PHF20: variants seen among roughly 807,000 people sequenced by gnomAD.
The protein encoded by PHF20 is glioma-expressed antigen 2.
In PHF20, 23 loss-of-function variants were observed where a neutral mutation model predicts 113.5. The observed-to-expected ratio is 0.20, with a 90% confidence interval of 0.15 to 0.29. The LOEUF (loss-of-function observed/expected upper bound fraction) is 0.29. Among genes scored for constraint, PHF20 ranks in the 10% least tolerant of loss-of-function variants. The pLI, the probability that PHF20 is intolerant of heterozygous loss-of-function variation, is 1.00. For synonymous variants in PHF20, 434 were observed against 457.3 expected, an observed-to-expected ratio of 0.95 and a Z score of 0.65; for missense variants, 943 against 1,219.6, an observed-to-expected ratio of 0.77 and a Z score of 3.38.
At chr20:35,812,217 G>A (rs2146884558) in intron 2 of PHF20, among the ~76,000 whole-genome samples, 1 of 152,224 alleles carries the variant, frequency 6.6e-6, no homozygotes, top group South Asian at 2.1e-4. Context: ...AATATCCAGA[G>A]ATATTCAGAT....
intron 10 of PHF20, among the ~76,000 whole-genome samples, chr20:35,903,489 C>T (rs1236570519): frequency 6.6e-6 from 1 of 152,094 alleles, no homozygotes; most frequent in Non-Finnish European, 1.5e-5. Flanking sequence ...TCAGTGAGGG[C>T]ACAGTCTGAT....
intron 2 of PHF20, among the ~76,000 whole-genome samples, chr20:35,830,955 A>G (rs1600797998): frequency 1.3e-5 from 2 of 152,040 alleles, no homozygotes; most frequent in South Asian, 4.1e-4. Flanking sequence ...GCCACATTCT[A>G]CTTGTTAGAA....
chr20:35,893,196 G>T (rs771258363), intron 9 of PHF20, among the ~76,000 whole-genome samples: 1 of 152,168 alleles, frequency 6.6e-6, no homozygotes, highest in Non-Finnish European at 1.5e-5. Flanking sequence ...TTTGCAGGGG[G>T]AATTTTTAAC....
chr20:35,931,454 G>C lies in PHF20; in HGVS notation c.2300+10G>C. On this transcript the variant is annotated intron_variant, in intron 15 of 17. Coordinates refer to ENST00000374012, the MANE Select transcript of PHF20 (RefSeq NM_016436.5). ...AGATGAGCATCTTGCAGTAAGTGTG[G>C]CACCTGCAGTGCTGGGAGCAGTCTG... The C allele has an allele frequency of 6.2e-7, 1 of 1,602,972 alleles. No individual in the cohort carries two copies. Among genetic ancestry groups the C allele is most frequent in the Non-Finnish European group, 8.5e-7 (1 of 1,172,156 alleles).
chr20:35,914,287 C>T (rs1035086485), intron 12 of PHF20, 90 bp downstream of exon 12: 4 of 1,278,270 alleles, frequency 3.1e-6, no homozygotes, highest in Non-Finnish European at 4.4e-6. Context: ...TGGTTCTAGG[C>T]CACTACAATA....
intron 12 of PHF20, among the ~76,000 whole-genome samples, chr20:35,915,632 A>G (rs925394237): frequency 1.2e-4 from 18 of 152,118 alleles, no homozygotes; most frequent in African/African-American, 4.1e-4. Flanking sequence ...TGATCCACCC[A>G]CTTCGACCTC....
chr20:35,892,599 A>G (rs148408172), intron 9 of PHF20, among the ~76,000 whole-genome samples: 21 of 152,152 alleles, frequency 1.4e-4, no homozygotes, highest in African/African-American at 4.8e-4. Flanking sequence ...TAATATTTTT[A>G]TCTACTTTTT....
intron 16 of PHF20, 81 bp from the exon 17 acceptor site, chr20:35,940,783 G>A (rs1365178689): frequency 2.6e-6 from 3 of 1,168,180 alleles, no homozygotes. Context: ...TAGTATTTCA[G>A]GTGGCTGGAA....
intron 10 of PHF20, among the ~76,000 whole-genome samples, chr20:35,910,033 A>G (rs1210429656): frequency 6.6e-6 from 1 of 152,236 alleles, no homozygotes; most frequent in Admixed American, 6.5e-5. Flanking sequence ...CTTAGTTAAA[A>G]TGGAATCTGA....
chr20:35,921,323 C>T (rs1257758945), intron 13 of PHF20, among the ~76,000 whole-genome samples: 7 of 151,436 alleles, frequency 4.6e-5, no homozygotes. Flanking sequence ...TTTGAGTGTG[C>T]ATCTTTTTTT....
intron 1 of PHF20, among the ~76,000 whole-genome samples, chr20:35,772,852 A>G (rs1165823839): frequency 6.6e-6 from 1 of 152,168 alleles, no homozygotes; most frequent in Non-Finnish European, 1.5e-5. Flanking sequence ...CCAAGGAAGA[A>G]TTCCCCTTTT....
chr20:35,819,000 G>A (rs1441718069), intron 2 of PHF20, among the ~76,000 whole-genome samples: 2 of 151,684 alleles, frequency 1.3e-5, no homozygotes, highest in Non-Finnish European at 2.9e-5. Flanking sequence ...GCCCTATCTC[G>A]GTTCACTGCA....
intron 2 of PHF20, among the ~76,000 whole-genome samples, chr20:35,829,468 C>T (rs941363160): frequency 2.0e-5 from 3 of 149,596 alleles, no homozygotes; most frequent in Admixed American, 2.0e-4. Context: ...GCCTCAGCCT[C>T]CCGAGTAGCT....
chr20:35,821,270 C>T lies in PHF20; in HGVS notation c.83+19665C>T, dbSNP rs896177054. 5.3e-5 allele frequency among the ~76,000 whole-genome samples: 8 copies of T among 151,380 alleles called. No individual in the cohort carries two copies. The East Asian group carries it at 1.4e-3, about 26-fold the overall frequency. On this transcript the variant is annotated intron_variant, in intron 2 of 17. Coordinates refer to ENST00000374012, the MANE Select transcript of PHF20 (RefSeq NM_016436.5). ...TTGAGACCAGCCTGGCTGACATGTA[C>T]TAAAAATACAAAAAATTAGCCTGGA... is the stretch of plus-strand genomic sequence containing the variant.
At chr20:35,864,653 A>G (rs1190011712) in intron 6 of PHF20, among the ~76,000 whole-genome samples, 2 of 152,082 alleles carry the variant, frequency 1.3e-5, no homozygotes, top group South Asian at 2.1e-4. Flanking sequence ...ATTTGTCTCT[A>G]TATGAAATAA....
intron 10 of PHF20, among the ~76,000 whole-genome samples, chr20:35,910,204 T>A (rs1425671548): frequency 6.6e-6 from 1 of 152,076 alleles, no homozygotes; most frequent in Non-Finnish European, 1.5e-5. Context: ...TTATGAGATA[T>A]CCAGAGTAGA....
At position 35,923,614 on chromosome 20, in the gene PHF20, G is replaced by A. The variant is rs181093292; in HGVS notation, c.2005-4166G>A. ...CACCTTATCCCCAACTACCCATTCCGTAGAGTCAGCCCTTATCAGTTTCTT... is the reference window on the plus strand; with the variant it reads ...CACCTTATCCCCAACTACCCATTCCATAGAGTCAGCCCTTATCAGTTTCTT... On this transcript the variant is annotated intron_variant, in intron 13 of 17. Transcript: ENST00000374012. Among the ~76,000 whole-genome samples, 343 of 152,254 alleles carry A rather than the reference G, an allele frequency of 2.3e-3. 1 individual carries two copies. The highest frequency in any genetic ancestry group is 7.8e-3 in the African/African-American group (326 of 41,550).
intron 1 of PHF20, among the ~76,000 whole-genome samples, chr20:35,776,453 G>A (rs1212707868): frequency 6.6e-6 from 1 of 152,214 alleles, no homozygotes; most frequent in Non-Finnish European, 1.5e-5. Context: ...GCTTTATGAT[G>A]ATCTTTCTCC....
chr20:35,777,528 G>A (rs1470038942), intron 1 of PHF20, among the ~76,000 whole-genome samples: 1 of 152,286 alleles, frequency 6.6e-6, no homozygotes. Flanking sequence ...ACAATTACTC[G>A]TGGTTGGGTG....
Sources: allele counts gnomAD v4.1 joint callset (sites outside exome capture counted in the v4.1 genomes callset), GRCh38; gene constraint gnomAD v4.1.1; transcripts MANE v1.5; gene names NCBI Gene and HGNC (gene_info 2026-07-23, HGNC 2026-07-21).